AKNAD1: variants seen among roughly 807,000 people sequenced by gnomAD.
AKNAD1 encodes AKNA domain containing 1.
In AKNAD1, 67 loss-of-function variants were observed where a neutral mutation model predicts 90.8. The ratio of observed to expected loss-of-function variants is 0.74; its 90% CI spans 0.61 to 0.90. The LOEUF (loss-of-function observed/expected upper bound fraction) is 0.90. Ranked by LOEUF, AKNAD1 falls within the 40% of genes least tolerant of loss-of-function variation. AKNAD1 has a pLI of 0.00. For missense variants in AKNAD1, 957 were observed against 975.4 expected (o/e 0.98, Z 0.25); for synonymous variants, 327 against 341.4 (o/e 0.96, Z 0.46).
intron 5 of AKNAD1, among the ~76,000 whole-genome samples, chr1:108,845,280 G>A (rs768886701): frequency 3.3e-5 from 5 of 152,118 alleles, no homozygotes; most frequent in Non-Finnish European, 7.3e-5. Flanking sequence ...GGCTCCCCTG[G>A]GCCCTGGCTT....
intron 9 of AKNAD1, among the ~76,000 whole-genome samples, chr1:108,832,481 T>C (rs1421880530): frequency 1.3e-5 from 2 of 151,920 alleles, no homozygotes; most frequent in Admixed American, 6.6e-5. Context: ...CGCCTTGGCC[T>C]ACCAAAGTGC....
intron 5 of AKNAD1, among the ~76,000 whole-genome samples, chr1:108,847,224 A>G (rs1279292706): frequency 6.6e-6 from 1 of 152,030 alleles, no homozygotes; most frequent in African/African-American, 2.4e-5. Flanking sequence ...AGGCAGGTGG[A>G]TCACCCTGAA....
intron 9 of AKNAD1, among the ~76,000 whole-genome samples, chr1:108,833,400 T>C (rs1664268524): frequency 6.6e-6 from 1 of 152,122 alleles, no homozygotes; most frequent in Non-Finnish European, 1.5e-5. Context: ...GTGGGCAACG[T>C]GGTGAAACCT....
chr1:108,844,418 G>C (rs906900419), intron 5 of AKNAD1, among the ~76,000 whole-genome samples: 1 of 151,108 alleles, frequency 6.6e-6, no homozygotes, highest in African/African-American at 2.4e-5. Context: ...GAGCTCTGGA[G>C]TGCATATCTA....
rs1402546851 is a variant in AKNAD1, at chr1:108,830,539, T to G, written c.1838+20A>C. 6.2e-7 allele frequency: 1 copy of G among 1,612,544 alleles called. No individual in the cohort carries two copies. The highest frequency in any genetic ancestry group is 1.7e-5 in the Admixed American group (1 of 60,012). On this transcript the variant is annotated intron_variant, in intron 10 of 15. Coordinates refer to ENST00000370001, the MANE Select transcript of AKNAD1 (RefSeq NM_152763.5). ...CTGACTCCAATCCACCCTGGGAATG[T>G]AGCCACAAGAAGCCCTCACCATTCA...
At chr1:108,844,485 G>A (rs1284691956) in intron 5 of AKNAD1, among the ~76,000 whole-genome samples, 16 of 152,082 alleles carry the variant, frequency 1.1e-4, no homozygotes, top group African/African-American at 3.9e-4. Context: ...CCAAGGCCCA[G>A]TGGAAGGAGT....
At chr1:108,839,857 C>T (rs903020024) in intron 6 of AKNAD1, among the ~76,000 whole-genome samples, 2 of 151,712 alleles carry the variant, frequency 1.3e-5, no homozygotes, top group Non-Finnish European at 2.9e-5. Flanking sequence ...CATGTCTCTA[C>T]AAAAAAAATT....
intron 10 of AKNAD1, among the ~76,000 whole-genome samples, chr1:108,827,675 G>C (rs1292534955): frequency 6.6e-6 from 1 of 150,838 alleles, no homozygotes; most frequent in Non-Finnish European, 1.5e-5. Flanking sequence ...TTAGCTGGGC[G>C]CCGTAGTGGG....
chr1:108,846,453 G>T (rs1251216567), intron 5 of AKNAD1, among the ~76,000 whole-genome samples: 3 of 152,066 alleles, frequency 2.0e-5, no homozygotes, highest in Non-Finnish European at 2.9e-5. Flanking sequence ...GCTTATCGTT[G>T]TTTCTTCCAT....
chr1:108,852,248 G>A lies in AKNAD1; in HGVS notation c.417C>T (p.Ala139=), dbSNP rs771037417. The change falls in exon 2 of 16, where the codon GCC becomes GCT. Residue 139 remains alanine (A), a synonymous_variant. Transcript: ENST00000370001. ...DCETLPEISN[A]DSFEEEAIIK... ...TAATAGCTTCCTCTTCAAAACTGTC[G>A]GCATTTGAGATCTCTGGGAGGGTTT... 3.1e-5 allele frequency: 50 copies of A among 1,613,490 alleles called. No homozygotes were observed. The highest frequency in any genetic ancestry group is 8.8e-5 in the South Asian group (8 of 90,972).
chr1:108,838,723 A>C (rs1243000018), intron 6 of AKNAD1, among the ~76,000 whole-genome samples: 1 of 152,174 alleles, frequency 6.6e-6, no homozygotes, highest in Non-Finnish European at 1.5e-5. Context: ...AGAATGAGAA[A>C]GGAAAAATAG....
chr1:108,848,468 T>C (rs1035936921), intron 5 of AKNAD1, among the ~76,000 whole-genome samples: 19 of 152,224 alleles, frequency 1.2e-4, no homozygotes, highest in Non-Finnish European at 2.5e-4. Context: ...TAACTGATTA[T>C]GGGTTCTTCT....
At chr1:108,827,179 C>A in intron 11 of AKNAD1, 26 bp downstream of exon 11, 1 of 1,574,196 alleles carries the variant, frequency 6.4e-7, no homozygotes, top group Non-Finnish European at 8.7e-7. Flanking sequence ...GAAAAATGAG[C>A]ACCCAGCCCA....
At position 108,817,142 on chromosome 1, in the gene AKNAD1, T is replaced by C. The variant is rs1411197276; in HGVS notation, c.2285A>G (p.Asp762Gly). 2 of 1,614,090 alleles carry C rather than the reference T, an allele frequency of 1.2e-6. No individual in the cohort carries two copies. The highest frequency in any genetic ancestry group is 1.7e-6 in the Non-Finnish European group (2 of 1,180,006). Residue 762 changes from aspartate (D) to glycine (G), a missense_variant, in exon 15 of 16, where the codon GAC becomes GGC. Asp to Gly is a moderately conservative substitution (Grantham distance 94, BLOSUM62 -1). Coordinates refer to ENST00000370001, the MANE Select transcript of AKNAD1 (RefSeq NM_152763.5). Reference protein sequence around the residue: ...KLQAFMTYSSDPATPSPHFYS... With the variant: ...KLQAFMTYSSGPATPSPHFYS... ...GAAATGGGGTGAGGGTGTTGCAGGG[T>C]CTGAGCTGTAGGTCATGAAAGCCTG... is the stretch of plus-strand genomic sequence containing the variant.
intron 14 of AKNAD1, among the ~76,000 whole-genome samples, chr1:108,818,442 G>A (rs1311549703): frequency 2.6e-5 from 4 of 152,106 alleles, no homozygotes; most frequent in Non-Finnish European, 5.9e-5. Context: ...TAGCAGAGTG[G>A]TGCAGAGTCC....
rs537427492 is a variant in AKNAD1, at chr1:108,824,469, T to C, written c.1937-781A>G. Among the ~76,000 whole-genome samples, 9 of 150,972 alleles carry C rather than the reference T, an allele frequency of 6.0e-5. 1 individual carries two copies. The highest frequency in any genetic ancestry group is 8.9e-5 in the Non-Finnish European group (6 of 67,740). ...TGACATCTTGACTTTTAACATATTA[T>C]ACAATATATAGTAACTTCATTGTAT... On this transcript the variant is annotated intron_variant, in intron 11 of 15. Coordinates refer to ENST00000370001, the MANE Select transcript of AKNAD1 (RefSeq NM_152763.5).
intron 14 of AKNAD1, 51 bp downstream of exon 14, chr1:108,820,494 C>A: frequency 1.6e-6 from 2 of 1,230,092 alleles, no homozygotes; most frequent in Non-Finnish European, 2.4e-6. Flanking sequence ...TACACTGTAT[C>A]CACCCAACCA....
At chr1:108,836,766 T>C (rs1374696122) in intron 7 of AKNAD1, 1 of 152,244 alleles carries the variant, frequency 6.6e-6, no homozygotes, top group African/African-American at 2.4e-5. Context: ...TTTCTCAGAA[T>C]TTTGATTTTA....
At position 108,831,698 on chromosome 1, in the gene AKNAD1, C is replaced by T. The variant is rs571798201; in HGVS notation, c.1747-1048G>A. Among the ~76,000 whole-genome samples, 409 of 150,258 alleles carry T rather than the reference C, an allele frequency of 2.7e-3. 1 individual carries two copies. Among genetic ancestry groups the T allele is most frequent in the African/African-American group, 9.7e-3 (394 of 40,814 alleles). On this transcript the variant is annotated intron_variant, in intron 9 of 15. Coordinates refer to ENST00000370001, the MANE Select transcript of AKNAD1 (RefSeq NM_152763.5). ...TCACTCTGTTGCCCAGGCTGGAGTGCAGTGGCCTAATCTCAGCTCCCGGGT... is the reference window on the plus strand; with the variant it reads ...TCACTCTGTTGCCCAGGCTGGAGTGTAGTGGCCTAATCTCAGCTCCCGGGT...
Sources: allele counts gnomAD v4.1 joint callset (sites outside exome capture counted in the v4.1 genomes callset), GRCh38; gene constraint gnomAD v4.1.1; transcripts MANE v1.5; gene names NCBI Gene and HGNC (gene_info 2026-07-23, HGNC 2026-07-21).